B4GALNT3: variants seen among roughly 807,000 people sequenced by gnomAD.
B4GALNT3 encodes beta-1,4-N-acetyl-galactosaminyltransferase 3.
B4GALNT3 carries 86 observed loss-of-function variants against 120.2 expected under a neutral mutation model. The observed-to-expected ratio is 0.72, with a 90% CI of 0.60 to 0.86. The LOEUF is 0.86. Among genes scored for constraint, B4GALNT3 ranks in the 40% least tolerant of loss-of-function variants. The pLI, the probability that B4GALNT3 is intolerant of heterozygous loss-of-function variation, is 0.00. For synonymous variants in B4GALNT3, 518 were observed against 510.4 expected (o/e 1.01, Z -0.20); for missense variants, 1,167 against 1,298.9 (o/e 0.90, Z 1.56).
At chr12:511,788 TCCAC>T (rs1416754365) in intron 1 of B4GALNT3, among the ~76,000 whole-genome samples, 52 of 83,576 alleles carry the variant, frequency 6.2e-4, no homozygotes, top group Non-Finnish European at 8.9e-4. Context: ...TCTTCCACCT[TCCAC>T]CTTCCACCTT....
intron 1 of B4GALNT3, among the ~76,000 whole-genome samples, chr12:473,852 C>T (rs143125009): frequency 1.1e-4 from 16 of 152,142 alleles, no homozygotes; most frequent in East Asian, 3.9e-4. Flanking sequence ...ACAAACAGAT[C>T]GGGATTTGAG....
chr12:480,948 C>T lies in B4GALNT3; in HGVS notation c.169+20403C>T, dbSNP rs1946237122. Among the ~76,000 whole-genome samples the T allele has an allele frequency of 2.0e-5, 3 of 152,242 alleles. No homozygotes were observed. The South Asian group carries it at 6.2e-4, about 31-fold the overall frequency. On this transcript the variant is annotated intron_variant, in intron 1 of 19. Transcript: ENST00000266383. Reference sequence around the variant, plus strand: ...CCTCTCAGCCTTGCCTCTATCTCTCCCTGCCTGCTCGGCAGCCAACACAGA... The same window carrying T: ...CCTCTCAGCCTTGCCTCTATCTCTCTCTGCCTGCTCGGCAGCCAACACAGA...
chr12:500,212 T>C (rs751831673), intron 1 of B4GALNT3, among the ~76,000 whole-genome samples: 2 of 152,158 alleles, frequency 1.3e-5, no homozygotes, highest in African/African-American at 2.4e-5. Flanking sequence ...GGAGCAATCA[T>C]ACCGCACTGC....
intron 1 of B4GALNT3, among the ~76,000 whole-genome samples, chr12:463,427 A>G (rs1305200635): frequency 2.6e-5 from 4 of 152,318 alleles, no homozygotes; most frequent in African/African-American, 9.6e-5. Flanking sequence ...AAAATTGACA[A>G]AAGAATTAGG....
intron 1 of B4GALNT3, among the ~76,000 whole-genome samples, chr12:480,857 G>C (rs929003137): frequency 1.3e-5 from 2 of 152,200 alleles, no homozygotes; most frequent in African/African-American, 4.8e-5. Context: ...CCCAGGCCCT[G>C]GTGACCGTGG....
At chr12:558,195 G>A (rs1947182282) in intron 17 of B4GALNT3, 107 bp downstream of exon 17, 5 of 1,189,760 alleles carry the variant, frequency 4.2e-6, no homozygotes, top group Admixed American at 1.9e-5. Flanking sequence ...GGACGGGAAT[G>A]AGGACACAGG....
chr12:551,930 C>T, intron 11 of B4GALNT3, 133 bp from the exon 12 acceptor site: 1 of 717,924 alleles, frequency 1.4e-6, no homozygotes, highest in Non-Finnish European at 2.5e-6. Flanking sequence ...CAGAGCAACC[C>T]TTCTCTCCCT....
At chr12:511,414 C>CCTTCCACCTTCCACCCT (rs1946555573) in intron 1 of B4GALNT3, among the ~76,000 whole-genome samples, 1 of 109,058 alleles carries the variant, frequency 9.2e-6, no homozygotes, top group Non-Finnish European at 1.9e-5. Flanking sequence ...CTTCCTTCCA[C>CCTTCCACCTTCCACCCT]CTTCCACCTT....
Position 557,918 on chromosome 12 carries a change from C to T in B4GALNT3, c.2535-98C>T. The stretch of plus-strand genomic sequence containing the variant: ...GGCTCACCTGCCCATAATCCCATCC[C>T]AGGAGCACACATCATCTCTCTTCTA... On this transcript the variant is annotated intron_variant, in intron 16 of 19. Coordinates refer to ENST00000266383, the MANE Select transcript of B4GALNT3 (RefSeq NM_173593.4). 2.0e-6 allele frequency: 3 copies of T among 1,489,162 alleles called. No homozygotes were observed. The South Asian group carries it at 3.5e-5, about 17-fold the overall frequency. The allele number at this position is 1,489,162 out of a possible 1,614,324, so 92.2% of individuals were successfully genotyped here. A position where few individuals can be genotyped will look rare whatever the true frequency, so the allele number is the denominator to read the frequency against.
At position 460,235 on chromosome 12, in the gene B4GALNT3, G is replaced by A. The variant is rs1482071150; in HGVS notation, c.-142G>A. 4 of 612,492 alleles carry A rather than the reference G, an allele frequency of 6.5e-6. No individual in the cohort carries two copies. The highest frequency in any genetic ancestry group is 8.2e-6 in the Non-Finnish European group (4 of 490,500). 37.9% of individuals were successfully genotyped at this position (612,492 alleles called of 1,614,324 possible). A position where few individuals can be genotyped will look rare whatever the true frequency, so the allele number is the denominator to read the frequency against. On this transcript the variant is annotated 5_prime_UTR_variant, in exon 1 of 20. Transcript: ENST00000266383. This position sits in a 1 kb window ranked among gnomAD's most constrained non-coding sequence, Gnocchi z 8.0. ...GAGCATGAGCCCGAGCCCCGCCGGA[G>A]AGCGGCCGGGAGAGACGGCCTCGGC...
At chr12:516,289 AGAGT>A (rs1279732411) in intron 1 of B4GALNT3, among the ~76,000 whole-genome samples, 1 of 151,864 alleles carries the variant, frequency 6.6e-6, no homozygotes, top group Non-Finnish European at 1.5e-5. Context: ...AGTTAGAAAG[AGAGT>A]GATAGGCTGG....
chr12:475,432 G>T (rs1565588401), intron 1 of B4GALNT3, among the ~76,000 whole-genome samples: 1 of 152,180 alleles, frequency 6.6e-6, no homozygotes, highest in Non-Finnish European at 1.5e-5. Flanking sequence ...AGATGCAGAA[G>T]AGTGTTTAAA....
At chr12:529,483 G>A (rs943328054) in intron 1 of B4GALNT3, among the ~76,000 whole-genome samples, 1 of 152,226 alleles carries the variant, frequency 6.6e-6, no homozygotes, top group African/African-American at 2.4e-5. Flanking sequence ...GATGGGTGAG[G>A]TGAATCTAAC....
rs767985481 is a variant in B4GALNT3 at position 549,813 on chromosome 12, A to T, written c.898A>T (p.Thr300Ser). The change falls in exon 10 of 20, where the codon ACA becomes TCA. Residue 300 changes from threonine (T) to serine (S), a missense_variant. Thr to Ser is a moderately conservative substitution (Grantham distance 58). Transcript: ENST00000266383. ...QMDEVGHIPQ[T>S]AASHVDSSNA... Reference sequence around the variant, plus strand: ...GGATGAGGTGGGCCACATCCCACAGACAGCAGCCAGCCACGTGGACTCCTC... The same window carrying T: ...GGATGAGGTGGGCCACATCCCACAGTCAGCAGCCAGCCACGTGGACTCCTC... The T allele has an allele frequency of 1.2e-6, 2 of 1,613,664 alleles. No homozygotes were observed. Among genetic ancestry groups the T allele is most frequent in the South Asian group, 2.2e-5 (2 of 91,078 alleles).
chr12:506,266 C>G (rs1349945960), intron 1 of B4GALNT3, among the ~76,000 whole-genome samples: 2 of 152,116 alleles, frequency 1.3e-5, no homozygotes, highest in African/African-American at 2.4e-5. Context: ...TAAATATCAT[C>G]ATTTTATAAC....
intron 1 of B4GALNT3, among the ~76,000 whole-genome samples, chr12:521,048 C>T (rs145298463): frequency 1.2e-3 from 185 of 152,304 alleles, no homozygotes; most frequent in Non-Finnish European, 2.2e-3. Context: ...GCATTAAAAA[C>T]GTAATGACTC....
chr12:557,780 CA>C lies in B4GALNT3; in HGVS notation c.2534+20del, dbSNP rs761664340. ...TGCGGAGGTGAGGGGGACCACCAGC[CA>C]GGGGGTGGCATGGGCCACGTCCATC... On this transcript the variant is annotated intron_variant, in intron 16 of 19. Transcript: ENST00000266383. 6.3e-7 allele frequency: 1 copy of C among 1,591,202 alleles called. No homozygotes were observed. The highest frequency in any genetic ancestry group is 8.5e-7 in the Non-Finnish European group (1 of 1,172,226).
In B4GALNT3 at chr12:476,696, G is replaced by A. The variant is rs926711559; in HGVS notation, c.169+16151G>A. Among the ~76,000 whole-genome samples, 16 of 152,142 alleles carry A rather than the reference G, an allele frequency of 1.1e-4. No homozygotes were observed. In the East Asian group the frequency reaches 2.7e-3, roughly 26 times the overall value. ...AAGATACATGCAGTAGATGTTAGGC[G>A]CCATTGTTTATTATAACTTAATCAG... is the stretch of plus-strand genomic sequence containing the variant. On this transcript the variant is annotated intron_variant, in intron 1 of 19. Transcript: ENST00000266383.
At chr12:498,502 CT>C (rs1370472444) in intron 1 of B4GALNT3, among the ~76,000 whole-genome samples, 3 of 140,420 alleles carry the variant, frequency 2.1e-5, no homozygotes, top group African/African-American at 8.5e-5. Context: ...TTGTTTTGTT[CT>C]GATTCCTGTG....
Sources: allele counts gnomAD v4.1 joint callset (sites outside exome capture counted in the v4.1 genomes callset), GRCh38; gene constraint gnomAD v4.1.1; non-coding constraint Gnocchi (gnomAD v3.1); transcripts MANE v1.5; gene names NCBI Gene and HGNC (gene_info 2026-07-23, HGNC 2026-07-21).